The following IL1RAPL1 variants were observed in gnomAD, a reference collection of about 807,000 sequenced individuals.
The protein encoded by IL1RAPL1 is interleukin 1 receptor accessory protein like 1, also known as interleukin-1 receptor accessory protein-like 1.
Under a neutral mutation model 48.4 loss-of-function variants are expected in IL1RAPL1, and 3 were observed. The observed-to-expected ratio is 0.06, with a 90% confidence interval of 0.03 to 0.16. IL1RAPL1 has a LOEUF of 0.16. Among genes scored for constraint, IL1RAPL1 ranks in the 10% least tolerant of loss-of-function variants. IL1RAPL1 has a pLI of 1.00. For missense variants in IL1RAPL1, 349 were observed against 530.6 expected, an observed-to-expected ratio of 0.66 and a Z score of 3.36; for synonymous variants, 185 against 187.7, an observed-to-expected ratio of 0.99 and a Z score of 0.12.
chrX:29,843,160 C>T lies in IL1RAPL1; in HGVS notation c.779-74304C>T, dbSNP rs185928360. ...ATGGCGTGTACTGAATTATGAGTTC[C>T]GTACATTCACTGATAGACAAGATGG... On this transcript the variant is annotated intron_variant, in intron 6 of 10. Coordinates refer to ENST00000378993, the MANE Select transcript of IL1RAPL1 (RefSeq NM_014271.4). Among the ~76,000 whole-genome samples the T allele has an allele frequency of 4.4e-3, 488 of 111,768 alleles. 4 individuals are homozygous for T. The highest frequency in any genetic ancestry group is 6.5e-3 in the Non-Finnish European group (345 of 53,132).
chrX:28,848,213 T>C (rs1468218474), intron 2 of IL1RAPL1, among the ~76,000 whole-genome samples: 2 of 111,089 alleles, frequency 1.8e-5, no homozygotes, highest in East Asian at 5.7e-4. Flanking sequence ...ACCTAATGCA[T>C]GCAGGGCTTA....
At chrX:29,754,192 A>G (rs5972856) in intron 6 of IL1RAPL1, among the ~76,000 whole-genome samples, 7,302 of 111,308 alleles carry the variant, frequency 0.066, 604 homozygotes, top group African/African-American at 0.23. Flanking sequence ...CTTCAGGCCC[A>G]TATCAGCACA....
intron 9 of IL1RAPL1, among the ~76,000 whole-genome samples, chrX:29,946,507 T>C (rs1933215866): frequency 8.9e-6 from 1 of 112,037 alleles, no homozygotes; most frequent in East Asian, 2.8e-4. Flanking sequence ...AGATACGCTA[T>C]CCCCCTACCA....
intron 1 of IL1RAPL1, among the ~76,000 whole-genome samples, chrX:28,741,679 T>C (rs375001698): frequency 1.7e-3 from 190 of 111,857 alleles, no homozygotes; most frequent in African/African-American, 5.8e-3. Flanking sequence ...TGATACAAAA[T>C]AGGGCACAAT....
chrX:28,990,123 C>G (rs1925566792), intron 2 of IL1RAPL1, among the ~76,000 whole-genome samples: 1 of 111,545 alleles, frequency 9.0e-6, no homozygotes, highest in African/African-American at 3.3e-5. Context: ...AAGCCAAAAA[C>G]AAATTAAAAA....
At chrX:29,192,108 G>C (rs1930362787) in intron 2 of IL1RAPL1, among the ~76,000 whole-genome samples, 1 of 111,224 alleles carries the variant, frequency 9.0e-6, no homozygotes, top group Admixed American at 9.7e-5. Context: ...TCTTGACTCA[G>C]AGTGAAGGGG....
At chrX:28,661,796 A>T (rs955446499) in intron 1 of IL1RAPL1, among the ~76,000 whole-genome samples, 4 of 112,086 alleles carry the variant, frequency 3.6e-5, no homozygotes, top group Non-Finnish European at 5.6e-5. Context: ...TATATTCCAT[A>T]ATGTTCTCTG....
At chrX:29,774,817 CA>C (rs1322402821) in intron 6 of IL1RAPL1, among the ~76,000 whole-genome samples, 2 of 111,812 alleles carry the variant, frequency 1.8e-5, no homozygotes, top group African/African-American at 6.5e-5. Flanking sequence ...ATTAGATCCC[CA>C]CTGATGGTTT....
At chrX:28,747,772 A>G (rs1215987575) in intron 1 of IL1RAPL1, among the ~76,000 whole-genome samples, 1 of 111,903 alleles carries the variant, frequency 8.9e-6, no homozygotes, top group Non-Finnish European at 1.9e-5. Flanking sequence ...CTGTATTTCC[A>G]TAACTATGTG....
At chrX:29,216,165 GTTA>G (rs774437095) in intron 2 of IL1RAPL1, among the ~76,000 whole-genome samples, 4 of 111,004 alleles carry the variant, frequency 3.6e-5, no homozygotes, top group African/African-American at 6.5e-5. Flanking sequence ...TTTTTTTGTT[GTTA>G]TTGTTGTTGT....
intron 6 of IL1RAPL1, among the ~76,000 whole-genome samples, chrX:29,783,004 A>G (rs1929390907): frequency 1.1e-5 from 1 of 92,485 alleles, no homozygotes; most frequent in African/African-American, 4.2e-5. Context: ...TCCCGGGTTC[A>G]CGCCATTCTC....
intron 1 of IL1RAPL1, among the ~76,000 whole-genome samples, chrX:28,658,150 A>G (rs976913067): frequency 1.8e-5 from 2 of 112,445 alleles, no homozygotes; most frequent in East Asian, 5.6e-4. Context: ...TAGATGCTCC[A>G]GAGATATTTG....
chrX:29,000,122 A>G (rs1925816422), intron 2 of IL1RAPL1, among the ~76,000 whole-genome samples: 1 of 111,213 alleles, frequency 9.0e-6, no homozygotes, highest in African/African-American at 3.3e-5. Context: ...CAAAGACAGA[A>G]CATTTCCTGA....
chrX:29,710,259 T>C (rs1256371398), intron 6 of IL1RAPL1, among the ~76,000 whole-genome samples: 3 of 111,178 alleles, frequency 2.7e-5, no homozygotes, highest in Non-Finnish European at 5.7e-5. Context: ...GAATAAGCTT[T>C]CAATTTTTTA....
intron 6 of IL1RAPL1, among the ~76,000 whole-genome samples, chrX:29,883,994 C>A (rs1912635868): frequency 9.0e-6 from 1 of 111,676 alleles, no homozygotes; most frequent in Admixed American, 9.5e-5. Flanking sequence ...GGTTGATAAC[C>A]ATCCCTTTCT....
chrX:29,554,663 A>G (rs1921932391), intron 5 of IL1RAPL1, among the ~76,000 whole-genome samples: 1 of 111,346 alleles, frequency 9.0e-6, no homozygotes, highest in Non-Finnish European at 1.9e-5. Context: ...CCACAGTAGG[A>G]GCTATGTAAG....
chrX:29,258,777 C>G (rs769795981), intron 2 of IL1RAPL1, among the ~76,000 whole-genome samples: 3 of 110,642 alleles, frequency 2.7e-5, no homozygotes, highest in Non-Finnish European at 3.8e-5. Flanking sequence ...TTTTGCTTTC[C>G]TTATTGGAAG....
At chrX:29,929,763 A>T (rs1053919227) in intron 8 of IL1RAPL1, among the ~76,000 whole-genome samples, 5 of 111,647 alleles carry the variant, frequency 4.5e-5, no homozygotes, top group Non-Finnish European at 7.5e-5. Flanking sequence ...ATCAGCTTAG[A>T]ATTATAATTC....
chrX:29,537,433 T>C (rs1346237327), intron 5 of IL1RAPL1, among the ~76,000 whole-genome samples: 1 of 110,427 alleles, frequency 9.1e-6, no homozygotes, highest in Non-Finnish European at 1.9e-5. Context: ...TATTCTACCC[T>C]TTATTATTTG....
Sources: allele counts gnomAD v4.1 joint callset (sites outside exome capture counted in the v4.1 genomes callset), GRCh38; gene constraint gnomAD v4.1.1; transcripts MANE v1.5; gene names NCBI Gene and HGNC (gene_info 2026-07-23, HGNC 2026-07-21).